Variants in PCDH9 observed in about 807,000 individuals in gnomAD.
PCDH9 encodes protocadherin 9.
PCDH9 carries 24 observed loss-of-function variants against 70.6 expected under a neutral mutation model. The observed-to-expected ratio is 0.34, with a 90% CI of 0.25 to 0.48. PCDH9 has a LOEUF of 0.48. PCDH9 is among the 20% of genes least tolerant of loss of function. The pLI, the probability that PCDH9 is intolerant of heterozygous loss-of-function variation, is 0.99. For missense variants in PCDH9, 1,281 were observed against 1,503.6 expected (o/e 0.85, Z 2.45); for synonymous variants, 562 against 558.5 (o/e 1.01, Z -0.09).
chr13:66,926,065 A>C (rs1396001403), intron 2 of PCDH9, among the ~76,000 whole-genome samples: 1 of 151,952 alleles, frequency 6.6e-6, no homozygotes, highest in African/African-American at 2.4e-5. Context: ...TTCCTTGTCT[A>C]AGCAATGGGA....
chr13:66,583,806 A>G (rs1172232659), intron 4 of PCDH9, among the ~76,000 whole-genome samples: 1 of 152,168 alleles, frequency 6.6e-6, no homozygotes, highest in East Asian at 1.9e-4. Flanking sequence ...ATTTTATGGA[A>G]CAGAGAAATA....
intron 4 of PCDH9, among the ~76,000 whole-genome samples, chr13:66,354,600 GA>G (rs1290975708): frequency 1.3e-5 from 2 of 151,694 alleles, no homozygotes; most frequent in African/African-American, 2.4e-5. Context: ...CGGTAGAAGG[GA>G]AAAAAAGAAT....
Position 66,541,713 on chromosome 13 carries a change from A to G in PCDH9, c.3340+89497T>C, listed in dbSNP as rs186506675. Reference sequence around the variant, plus strand: ...CCTCATCTTAACCAATTACTTCTGCAAATATCCTGTTTCCAAATAACAGGG... The same window carrying G: ...CCTCATCTTAACCAATTACTTCTGCGAATATCCTGTTTCCAAATAACAGGG... On this transcript the variant is annotated intron_variant, in intron 4 of 4. Transcript: ENST00000377865. 1.5e-3 allele frequency among the ~76,000 whole-genome samples: 223 copies of G among 152,290 alleles called. 2 individuals are homozygous for G. Among genetic ancestry groups the G allele is most frequent in the South Asian group, 6.2e-3 (30 of 4,810 alleles).
In PCDH9 at chr13:67,226,664, C is replaced by T; in HGVS notation, c.1777G>A (p.Val593Ile). The T allele has an allele frequency of 6.2e-7, 1 of 1,612,190 alleles. No individual in the cohort carries two copies. The highest frequency in any genetic ancestry group is 8.5e-7 in the Non-Finnish European group (1 of 1,178,262). Reference protein sequence around the residue: ...ENLPKYSTVGVITVTDADAGE... With the variant: ...ENLPKYSTVGIITVTDADAGE... ...GCATCTGCATCTGTCACTGTGATTA[C>T]CCCCACAGTACTATACTTTGGCAGA... The change falls in exon 2 of 5, where the codon GTA becomes ATA. Residue 593 changes from valine to isoleucine, a missense_variant. Transcript: ENST00000377865. This position sits in a 1 kb window ranked among gnomAD's most constrained non-coding sequence, Gnocchi z 5.0.
chr13:67,053,621 A>G (rs995135454), intron 2 of PCDH9, among the ~76,000 whole-genome samples: 4 of 152,206 alleles, frequency 2.6e-5, no homozygotes, highest in African/African-American at 9.7e-5. Context: ...ATCTCCTTCT[A>G]TATTTGTGCA....
chr13:66,992,810 A>G (rs1160437958), intron 2 of PCDH9, among the ~76,000 whole-genome samples: 2 of 152,104 alleles, frequency 1.3e-5, no homozygotes, highest in African/African-American at 2.4e-5. Flanking sequence ...TTCTAGGGCC[A>G]AAGTATATCA....
intron 3 of PCDH9, among the ~76,000 whole-genome samples, chr13:66,749,713 T>A (rs1343653878): frequency 6.6e-6 from 1 of 152,170 alleles, no homozygotes; most frequent in Non-Finnish European, 1.5e-5. Context: ...AGAAGATGGA[T>A]GCCTACCCCT....
intron 4 of PCDH9, among the ~76,000 whole-genome samples, chr13:66,584,193 G>A (rs1021244693): frequency 3.9e-5 from 6 of 152,142 alleles, no homozygotes; most frequent in Admixed American, 1.3e-4. Flanking sequence ...ATTAGATACA[G>A]TAGAAACTTG....
chr13:66,302,949 C>G lies in PCDH9; in HGVS notation c.*1706G>C, dbSNP rs1955392064. 6.6e-6 allele frequency: 1 copy of G among 152,320 alleles called. No homozygotes were observed. The highest frequency in any genetic ancestry group is 1.5e-5 in the Non-Finnish European group (1 of 67,944). The allele number at this position is 152,320 out of a possible 1,614,324, so 9.4% of individuals were successfully genotyped here. A position where few individuals can be genotyped will look rare whatever the true frequency, so the allele number is the denominator to read the frequency against. ...TTATTCTGTCAAAGTCATCAAACACCCCTCACAAACCGACAAAAATGTACT... is the reference window on the plus strand; with the variant it reads ...TTATTCTGTCAAAGTCATCAAACACGCCTCACAAACCGACAAAAATGTACT... On this transcript the variant is annotated 3_prime_UTR_variant, in exon 5 of 5. Coordinates refer to ENST00000377865, the MANE Select transcript of PCDH9 (RefSeq NM_203487.3).
At chr13:66,925,241 C>T (rs2082698442) in intron 2 of PCDH9, among the ~76,000 whole-genome samples, 1 of 151,770 alleles carries the variant, frequency 6.6e-6, no homozygotes, top group African/African-American at 2.4e-5. Flanking sequence ...TTTGTTCAAG[C>T]CATTTTATTT....
chr13:67,110,141 A>G (rs1449949615), intron 2 of PCDH9, among the ~76,000 whole-genome samples: 3 of 152,056 alleles, frequency 2.0e-5, no homozygotes, highest in African/African-American at 7.3e-5. Context: ...AGTCCTCATA[A>G]TCTAGGTTTA....
intron 3 of PCDH9, among the ~76,000 whole-genome samples, chr13:66,787,809 T>C (rs1245317502): frequency 2.0e-5 from 3 of 152,176 alleles, no homozygotes; most frequent in African/African-American, 7.2e-5. Flanking sequence ...TACCTATTTT[T>C]ATGTGGAATA....
At chr13:67,035,764 C>A (rs917767817) in intron 2 of PCDH9, among the ~76,000 whole-genome samples, 13 of 151,978 alleles carry the variant, frequency 8.6e-5, no homozygotes, top group African/African-American at 3.1e-4. Flanking sequence ...ATAAGGAAAT[C>A]TTTCACTATC....
intron 2 of PCDH9, chr13:66,991,113 T>C (rs1440372926): frequency 6.6e-6 from 1 of 152,084 alleles, no homozygotes; most frequent in Non-Finnish European, 1.5e-5. Context: ...ATATATTTTC[T>C]TGTTATTTTT....
chr13:67,135,874 G>T (rs2087220564), intron 2 of PCDH9, among the ~76,000 whole-genome samples: 1 of 152,000 alleles, frequency 6.6e-6, no homozygotes, highest in Admixed American at 6.6e-5. Flanking sequence ...GGTGTTGACT[G>T]GGGGGATTCT....
chr13:67,184,762 G>A (rs1213135295), intron 2 of PCDH9, among the ~76,000 whole-genome samples: 5 of 151,948 alleles, frequency 3.3e-5, no homozygotes, highest in Admixed American at 6.6e-5. Flanking sequence ...AAAACCCTAA[G>A]GGCAGGGTGA....
At chr13:66,677,317 T>A (rs1182696750) in intron 3 of PCDH9, among the ~76,000 whole-genome samples, 1 of 152,152 alleles carries the variant, frequency 6.6e-6, no homozygotes, top group Non-Finnish European at 1.5e-5. Flanking sequence ...TTAATATTTT[T>A]TAAAGTAATA....
intron 3 of PCDH9, among the ~76,000 whole-genome samples, chr13:66,704,997 C>A (rs2078693029): frequency 6.6e-6 from 1 of 152,072 alleles, no homozygotes; most frequent in South Asian, 2.1e-4. Context: ...GTTACATTTG[C>A]AAATTTTTAT....
intron 2 of PCDH9, among the ~76,000 whole-genome samples, chr13:67,026,567 A>G (rs1004480847): frequency 2.0e-5 from 3 of 152,080 alleles, no homozygotes; most frequent in Non-Finnish European, 2.9e-5. Context: ...TGGCCAGGGC[A>G]ATTAGGCAGG....
Sources: gnomAD v4.1 joint callset for allele counts (sites outside exome capture counted in the v4.1 genomes callset) on GRCh38, gnomAD v4.1.1 for gene constraint, Gnocchi (gnomAD v3.1) non-coding constraint, MANE v1.5 for transcripts, NCBI Gene and HGNC (gene_info 2026-07-23, HGNC 2026-07-21) for gene names.